The following RNF24 variants were observed in gnomAD, a reference collection of about 807,000 sequenced individuals.
The protein encoded by RNF24 is ring finger protein 24.
RNF24 carries 14 observed loss-of-function variants against 20.0 expected under a neutral mutation model. That is an observed-to-expected ratio of 0.70 (90% CI 0.46 to 1.10). RNF24 has a LOEUF of 1.10. Among genes scored for constraint, RNF24 ranks in the 50% least tolerant of loss-of-function variants. The pLI is 0.00. For missense variants in RNF24, 124 were observed against 177.6 expected (o/e 0.70, Z 1.71); for synonymous variants, 45 against 61.1 (o/e 0.74, Z 1.23).
rs185029979 is a variant in RNF24, at chr20:3,994,823, A to G, written c.-8+20614T>C. Among the ~76,000 whole-genome samples the G allele has an allele frequency of 1.2e-3, 184 of 152,312 alleles. 1 individual carries two copies. Among genetic ancestry groups the G allele is most frequent in the Non-Finnish European group, 2.2e-3 (147 of 68,024 alleles). On this transcript the variant is annotated intron_variant, in intron 1 of 5. Coordinates refer to ENST00000358395, the MANE Select transcript of RNF24 (RefSeq NM_001134337.3). ...AAAAAGGTATTAGAATTCCTACAGG[A>G]GTTTAGAATCCCTGAAGACAAAAGA...
rs149848884 is a variant in RNF24, at chr20:3,976,596, T to C, written c.-7-12572A>G. Among the ~76,000 whole-genome samples, 41 of 152,344 alleles carry C rather than the reference T, an allele frequency of 2.7e-4. 1 individual carries two copies. The highest frequency in any genetic ancestry group is 9.4e-4 in the African/African-American group (39 of 41,568). The stretch of plus-strand genomic sequence containing the variant: ...AACACAAATGTTCATAGCAGCTTTA[T>C]CTGTAATGGTCTAAAATTAGAAACA... On this transcript the variant is annotated intron_variant, in intron 1 of 5. Coordinates refer to ENST00000358395, the MANE Select transcript of RNF24 (RefSeq NM_001134337.3).
At chr20:3,944,840 T>C (rs1422415208) in intron 4 of RNF24, among the ~76,000 whole-genome samples, 1 of 152,200 alleles carries the variant, frequency 6.6e-6, no homozygotes, top group Admixed American at 6.5e-5. Context: ...GAAAGAAATA[T>C]TGGGAACATT....
At chr20:3,988,598 T>C (rs1053781929) in intron 1 of RNF24, among the ~76,000 whole-genome samples, 1 of 151,652 alleles carries the variant, frequency 6.6e-6, no homozygotes, top group African/African-American at 2.4e-5. Flanking sequence ...GAGCTGCAAC[T>C]ATAGGCATGG....
At chr20:4,004,066 A>G (rs1981646196) in intron 1 of RNF24, among the ~76,000 whole-genome samples, 1 of 152,088 alleles carries the variant, frequency 6.6e-6, no homozygotes, top group East Asian at 1.9e-4. Context: ...ATTCTCCACT[A>G]TTTCTCTAAA....
At chr20:3,988,857 A>G (rs549841642) in intron 1 of RNF24, among the ~76,000 whole-genome samples, 1 of 152,310 alleles carries the variant, frequency 6.6e-6, no homozygotes, top group Admixed American at 6.5e-5. Flanking sequence ...CCTGATTGTA[A>G]AGAAGAAATT....
At chr20:3,959,870 C>A (rs2091182856) in intron 2 of RNF24, among the ~76,000 whole-genome samples, 1 of 152,146 alleles carries the variant, frequency 6.6e-6, no homozygotes, top group Admixed American at 6.5e-5. Flanking sequence ...TAATATCGTG[C>A]CAGGCACGAT....
intron 1 of RNF24, among the ~76,000 whole-genome samples, chr20:3,965,325 A>G (rs1465151440): frequency 1.3e-5 from 2 of 152,248 alleles, no homozygotes; most frequent in African/African-American, 4.8e-5. Context: ...CCAGAAGAGT[A>G]TATTTATACT....
At chr20:3,968,430 G>C (rs1427303057) in intron 1 of RNF24, among the ~76,000 whole-genome samples, 1 of 152,172 alleles carries the variant, frequency 6.6e-6, no homozygotes, top group African/African-American at 2.4e-5. Flanking sequence ...GAGACACAGG[G>C]AGACCCCACC....
intron 1 of RNF24, among the ~76,000 whole-genome samples, chr20:3,989,229 C>T (rs780559198): frequency 1.3e-5 from 2 of 152,118 alleles, no homozygotes; most frequent in Non-Finnish European, 2.9e-5. Flanking sequence ...CGGTGGCTCA[C>T]GCCTGTAATC....
At chr20:3,935,357 G>A (rs929309038) in intron 4 of RNF24, among the ~76,000 whole-genome samples, 5 of 152,156 alleles carry the variant, frequency 3.3e-5, no homozygotes, top group Non-Finnish European at 7.3e-5. Context: ...GTGTGGGACC[G>A]AGGGAGGGTT....
chr20:3,932,358 T>C lies in RNF24; in HGVS notation c.*1705A>G, dbSNP rs965672996. 1 of 152,282 alleles carries C rather than the reference T, an allele frequency of 6.6e-6. No individual in the cohort carries two copies. Among genetic ancestry groups the C allele is most frequent in the African/African-American group, 2.4e-5 (1 of 41,458 alleles). 9.4% of individuals were successfully genotyped at this position (152,282 alleles called of 1,614,324 possible). ...TTTCATATAAAAATATTCCTCACTT[T>C]CCTCGTCCTGTTTAGGAAGCAGTCC... On this transcript the variant is annotated 3_prime_UTR_variant, in exon 6 of 6. Transcript: ENST00000358395.
At chr20:4,005,834 T>C (rs536421807) in intron 1 of RNF24, among the ~76,000 whole-genome samples, 1 of 152,314 alleles carries the variant, frequency 6.6e-6, no homozygotes, top group South Asian at 2.1e-4. Context: ...AGCATACTGA[T>C]AGACAGCAGT....
intron 2 of RNF24, among the ~76,000 whole-genome samples, chr20:3,960,894 A>T (rs2091194449): frequency 6.6e-6 from 1 of 151,954 alleles, no homozygotes; most frequent in African/African-American, 2.4e-5. Flanking sequence ...CCAGGGTTCA[A>T]GCGATTCTCA....
intron 1 of RNF24, among the ~76,000 whole-genome samples, chr20:3,988,822 T>A (rs2147042322): frequency 6.6e-6 from 1 of 152,302 alleles, no homozygotes; most frequent in African/African-American, 2.4e-5. Context: ...TGGCTGTATC[T>A]TTTTTAATCC....
chr20:3,938,993 T>C (rs2090923945), intron 4 of RNF24, among the ~76,000 whole-genome samples: 1 of 150,974 alleles, frequency 6.6e-6, no homozygotes, highest in Non-Finnish European at 1.5e-5. Flanking sequence ...GCTCAAGCAA[T>C]CTTCTCGTCT....
intron 1 of RNF24, among the ~76,000 whole-genome samples, chr20:4,001,504 T>C (rs768647462): frequency 1.6e-4 from 25 of 152,306 alleles, no homozygotes; most frequent in Non-Finnish European, 2.4e-4. Context: ...AAAATAGTTA[T>C]TGATATGAAT....
chr20:3,974,595 G>A (rs6116137), intron 1 of RNF24, among the ~76,000 whole-genome samples: 1,552 of 152,136 alleles, frequency 0.01, 17 homozygotes, highest in African/African-American at 0.035. Context: ...AATCAACTGT[G>A]TTTTTATAAA....
intron 2 of RNF24, among the ~76,000 whole-genome samples, chr20:3,962,595 C>CT (rs1224941365): frequency 6.6e-6 from 1 of 151,796 alleles, no homozygotes; most frequent in Non-Finnish European, 1.5e-5. Flanking sequence ...AGTGGCAGTA[C>CT]TTTTTTTGGG....
At chr20:3,991,540 C>G (rs541648306) in intron 1 of RNF24, among the ~76,000 whole-genome samples, 35 of 152,326 alleles carry the variant, frequency 2.3e-4, no homozygotes, top group African/African-American at 8.4e-4. Context: ...GCGTGAGCCA[C>G]TGCTCCATGC....
Sources: gnomAD v4.1 joint callset for allele counts (sites outside exome capture counted in the v4.1 genomes callset) on GRCh38, gnomAD v4.1.1 for gene constraint, MANE v1.5 for transcripts, NCBI Gene and HGNC (gene_info 2026-07-23, HGNC 2026-07-21) for gene names.